Variants in DOCK3 observed in about 807,000 individuals in gnomAD.
DOCK3 encodes the protein dedicator of cytokinesis protein 3.
A neutral mutation model predicts 265.6 loss-of-function variants in DOCK3; 60 were observed. The ratio of observed to expected loss-of-function variants is 0.23; its 90% confidence interval spans 0.18 to 0.28. The LOEUF is 0.28. DOCK3 is among the 10% of genes least tolerant of loss of function. DOCK3 has a pLI of 1.00. For synonymous variants in DOCK3, 881 were observed against 938.0 expected (o/e 0.94, Z 1.11); for missense variants, 1,981 against 2,594.3 (o/e 0.76, Z 5.14).
intron 9 of DOCK3, among the ~76,000 whole-genome samples, chr3:51,145,502 AC>A (rs1159799589): frequency 6.6e-6 from 1 of 152,108 alleles, no homozygotes; most frequent in Non-Finnish European, 1.5e-5. Flanking sequence ...AGCTTGTCCA[AC>A]CTGTGGTCCA....
intron 35 of DOCK3, among the ~76,000 whole-genome samples, chr3:51,336,044 T>C (rs1450232238): frequency 6.6e-6 from 1 of 150,620 alleles, no homozygotes; most frequent in Non-Finnish European, 1.5e-5. Flanking sequence ...TTGATATGAC[T>C]CAAGGGAAGG....
At chr3:50,776,248 C>G (rs962246057) in intron 1 of DOCK3, among the ~76,000 whole-genome samples, 1 of 152,094 alleles carries the variant, frequency 6.6e-6, no homozygotes, top group African/African-American at 2.4e-5. Context: ...ATGCCAACAT[C>G]TATTGTTTTT....
chr3:51,086,776 C>T (rs544605534), intron 7 of DOCK3, among the ~76,000 whole-genome samples: 4 of 152,164 alleles, frequency 2.6e-5, no homozygotes, highest in African/African-American at 4.8e-5. Flanking sequence ...CCAGCCTGGG[C>T]GACAGAGTGA....
At chr3:51,194,452 C>T (rs2088146304) in intron 12 of DOCK3, among the ~76,000 whole-genome samples, 1 of 152,098 alleles carries the variant, frequency 6.6e-6, no homozygotes, top group African/African-American at 2.4e-5. Flanking sequence ...GCCAATGTTT[C>T]TTTGTTGATT....
intron 5 of DOCK3, among the ~76,000 whole-genome samples, chr3:50,974,849 C>A (rs1006241210): frequency 7.3e-6 from 1 of 136,476 alleles, no homozygotes; most frequent in Non-Finnish European, 1.6e-5. Context: ...TTGAAGAGGT[C>A]CTTCACATCC....
intron 32 of DOCK3, among the ~76,000 whole-genome samples, chr3:51,325,871 A>G (rs2084072291): frequency 6.6e-6 from 1 of 152,128 alleles, no homozygotes; most frequent in Admixed American, 6.6e-5. Context: ...ATGAGAACAC[A>G]TGGACACAGG....
intron 3 of DOCK3, among the ~76,000 whole-genome samples, chr3:50,886,671 T>G (rs79829948): frequency 0.084 from 12,653 of 151,376 alleles, 1,161 homozygotes; most frequent in East Asian, 0.33. Flanking sequence ...TGTTTGATTT[T>G]TTGTCCTTGC....
intron 3 of DOCK3, among the ~76,000 whole-genome samples, chr3:50,843,508 C>T (rs1233338046): frequency 6.6e-6 from 1 of 152,108 alleles, no homozygotes; most frequent in African/African-American, 2.4e-5. Flanking sequence ...ATACTTAGTT[C>T]TTAATTCTCT....
At chr3:51,237,650 A>G (rs2078407661) in intron 21 of DOCK3, 60 bp downstream of exon 21, 1 of 1,463,476 alleles carries the variant, frequency 6.8e-7, no homozygotes, top group Admixed American at 2.0e-5. Flanking sequence ...TAGGCTTTAA[A>G]AAAGTTTAGC....
At chr3:51,270,397 ACT>A in intron 23 of DOCK3, among the ~76,000 whole-genome samples, 1 of 152,230 alleles carries the variant, frequency 6.6e-6, no homozygotes, top group East Asian at 1.9e-4. Flanking sequence ...GCTTGAAGGA[ACT>A]CAGCTCTCTC....
At chr3:51,358,154 G>A in intron 46 of DOCK3, 77 bp downstream of exon 46, 1 of 1,460,630 alleles carries the variant, frequency 6.8e-7, no homozygotes, top group South Asian at 1.2e-5. Context: ...ACAAACCAAA[G>A]GAAAATAGGA....
At chr3:51,371,886 G>A (rs1313594545) in intron 49 of DOCK3, among the ~76,000 whole-genome samples, 5 of 152,224 alleles carry the variant, frequency 3.3e-5, no homozygotes, top group African/African-American at 9.6e-5. Flanking sequence ...GAGAGACCAC[G>A]GACAACCTGA....
rs957617692 is a variant in DOCK3 at position 51,360,383 on chromosome 3, G to T, written c.4885-128G>T. On this transcript the variant is annotated intron_variant, in intron 46 of 52. Transcript: ENST00000266037. The stretch of plus-strand genomic sequence containing the variant: ...TGCCCAAAGGAAGTCAGCAGTTCAG[G>T]TTCAGCCAACCATATGATTCTTTTT... 7.1e-6 allele frequency: 9 copies of T among 1,274,030 alleles called. No homozygotes were observed. The African/African-American group carries it at 7.5e-5, about 11-fold the overall frequency. 78.9% of individuals were successfully genotyped at this position (1,274,030 alleles called of 1,614,324 possible).
At chr3:50,744,322 A>G (rs988487874) in intron 1 of DOCK3, among the ~76,000 whole-genome samples, 3 of 152,180 alleles carry the variant, frequency 2.0e-5, no homozygotes, top group Non-Finnish European at 4.4e-5. Context: ...TTTTGGTGTC[A>G]TAACTTAGAA....
At chr3:51,212,116 A>G (rs1015768615) in intron 13 of DOCK3, among the ~76,000 whole-genome samples, 1 of 152,196 alleles carries the variant, frequency 6.6e-6, no homozygotes, top group African/African-American at 2.4e-5. Context: ...TCTCAACTCT[A>G]CAAAAGGACA....
intron 51 of DOCK3, among the ~76,000 whole-genome samples, chr3:51,378,840 T>G (rs1159703670): frequency 6.6e-6 from 1 of 152,166 alleles, no homozygotes; most frequent in African/African-American, 2.4e-5. Flanking sequence ...TGTGCTTCCC[T>G]TTTTCCTGGG....
At chr3:51,371,084 A>G (rs2087644675) in intron 49 of DOCK3, among the ~76,000 whole-genome samples, 1 of 152,180 alleles carries the variant, frequency 6.6e-6, no homozygotes, top group South Asian at 2.1e-4. Flanking sequence ...GGAAGTCCCC[A>G]CGTTTCTAGT....
chr3:51,018,427 A>G (rs912002210), intron 5 of DOCK3, among the ~76,000 whole-genome samples: 2 of 140,496 alleles, frequency 1.4e-5, no homozygotes, highest in Non-Finnish European at 3.0e-5. Flanking sequence ...GTGAGACACT[A>G]TCTCCACAAA....
intron 7 of DOCK3, among the ~76,000 whole-genome samples, chr3:51,088,519 A>G (rs2082515063): frequency 6.6e-6 from 1 of 152,260 alleles, no homozygotes; most frequent in South Asian, 2.1e-4. Context: ...AAAATATCAC[A>G]TGTACTTCAT....
Sources: allele counts gnomAD v4.1 joint callset (sites outside exome capture counted in the v4.1 genomes callset), GRCh38; gene constraint gnomAD v4.1.1; transcripts MANE v1.5; gene names NCBI Gene and HGNC (gene_info 2026-07-23, HGNC 2026-07-21).